GPR158: variants seen among roughly 807,000 people sequenced by gnomAD.
GPR158 encodes G protein-coupled receptor 158.
A neutral mutation model predicts 78.2 loss-of-function variants in GPR158; 30 were observed. That is an observed-to-expected ratio of 0.38 (90% CI 0.29 to 0.52). The LOEUF is 0.52. Ranked by LOEUF, GPR158 falls within the 20% of genes least tolerant of loss-of-function variation. The pLI is 0.83. For missense variants in GPR158, 1,463 were observed against 1,523.5 expected (o/e 0.96, Z 0.66); for synonymous variants, 581 against 591.1 (o/e 0.98, Z 0.25).
intron 5 of GPR158, among the ~76,000 whole-genome samples, chr10:25,543,294 T>C (rs1030338684): frequency 1.3e-5 from 2 of 152,114 alleles, no homozygotes; most frequent in Admixed American, 1.3e-4. Context: ...CTAATTTTTG[T>C]ATTTTTAGTA....
At chr10:25,408,616 G>A (rs1834546494) in intron 3 of GPR158, among the ~76,000 whole-genome samples, 1 of 152,118 alleles carries the variant, frequency 6.6e-6, no homozygotes, top group Non-Finnish European at 1.5e-5. Context: ...CTTCACTTAT[G>A]TAATTATCCA....
At chr10:25,220,978 A>G (rs1294038325) in intron 1 of GPR158, 74 bp from the exon 2 acceptor site, 2 of 911,766 alleles carry the variant, frequency 2.2e-6, no homozygotes, top group East Asian at 5.0e-5. Flanking sequence ...TAATTTTCTA[A>G]TTTCAAGCTT....
intron 5 of GPR158, among the ~76,000 whole-genome samples, chr10:25,469,029 G>A (rs115054917): frequency 0.013 from 1,925 of 152,236 alleles, 38 homozygotes; most frequent in African/African-American, 0.043. Flanking sequence ...GGAAAGGTAC[G>A]GCTGCCGGGA....
intron 2 of GPR158, among the ~76,000 whole-genome samples, chr10:25,253,834 A>G (rs1185817436): frequency 1.3e-5 from 2 of 152,194 alleles, no homozygotes; most frequent in African/African-American, 2.4e-5. Flanking sequence ...TTGCCTTGGG[A>G]CAAAACCAGC....
chr10:25,554,962 A>G (rs1836768235), intron 6 of GPR158, among the ~76,000 whole-genome samples: 2 of 151,854 alleles, frequency 1.3e-5, no homozygotes, highest in South Asian at 4.2e-4. Context: ...CTGGCAAGCC[A>G]CTGATGTGGT....
intron 5 of GPR158, among the ~76,000 whole-genome samples, chr10:25,474,791 AC>A (rs1229506799): frequency 2.6e-5 from 4 of 152,124 alleles, no homozygotes; most frequent in African/African-American, 9.7e-5. Flanking sequence ...TTAGAAATGT[AC>A]CCTAAACTAG....
chr10:25,292,709 T>G (rs1218014266), intron 2 of GPR158, among the ~76,000 whole-genome samples: 3 of 152,140 alleles, frequency 2.0e-5, no homozygotes, highest in Admixed American at 1.3e-4. Flanking sequence ...GAGCCAAATT[T>G]CATGCACAGA....
chr10:25,403,758 A>C (rs916543475), intron 3 of GPR158, among the ~76,000 whole-genome samples: 1 of 151,974 alleles, frequency 6.6e-6, no homozygotes, highest in Admixed American at 6.6e-5. Context: ...ACTTTAATTA[A>C]ATTTCTTAAG....
intron 2 of GPR158, among the ~76,000 whole-genome samples, chr10:25,387,516 A>ATTTTTTTTTTTTTTT (rs57404980): frequency 7.1e-6 from 1 of 140,486 alleles, no homozygotes; most frequent in African/African-American, 2.8e-5. Context: ...TTCTCTTCAA[A>ATTTTTTTTTTTTTTT]TTTTTTTTTT....
chr10:25,279,403 G>A (rs1369752752), intron 2 of GPR158, among the ~76,000 whole-genome samples: 1 of 152,058 alleles, frequency 6.6e-6, no homozygotes, highest in African/African-American at 2.4e-5. Context: ...GAGGGGTTGA[G>A]GAGGAATTAT....
chr10:25,438,176 C>T (rs1835023775), intron 4 of GPR158, among the ~76,000 whole-genome samples: 1 of 152,134 alleles, frequency 6.6e-6, no homozygotes, highest in South Asian at 2.1e-4. Flanking sequence ...AATAACGTCA[C>T]TTACTAAGTG....
At chr10:25,560,307 C>A (rs1415440821) in intron 6 of GPR158, among the ~76,000 whole-genome samples, 1 of 152,078 alleles carries the variant, frequency 6.6e-6, no homozygotes, top group African/African-American at 2.4e-5. Context: ...GCTCTGTCAC[C>A]CAGGCTGGAG....
At position 25,495,295 on chromosome 10, in the gene GPR158, C is replaced by CTTTTTTTTT. The variant is rs71399976; in HGVS notation, c.1404+28588_1404+28596dup. 5.2e-4 allele frequency among the ~76,000 whole-genome samples: 47 copies of CTTTTTTTTT among 91,102 alleles called. 2 individuals are homozygous for CTTTTTTTTT. The highest frequency in any genetic ancestry group is 8.7e-4 in the South Asian group (2 of 2,294). 59.8% of individuals were successfully genotyped at this position (91,102 alleles called of 152,430 possible). ...TATTTTAAGCTATCATTCTTTTCTG[C>CTTTTTTTTT]TTTTTTTTTTTTTTTTTTTTGAGAC... On this transcript the variant is annotated intron_variant, in intron 5 of 10. Coordinates refer to ENST00000376351, the MANE Select transcript of GPR158 (RefSeq NM_020752.3).
intron 2 of GPR158, among the ~76,000 whole-genome samples, chr10:25,294,514 C>A (rs1854484072): frequency 6.6e-6 from 1 of 152,054 alleles, no homozygotes; most frequent in Non-Finnish European, 1.5e-5. Flanking sequence ...TGAGTCATTT[C>A]AGATTTTCTT....
At chr10:25,227,055 T>A (rs1042779992) in intron 2 of GPR158, among the ~76,000 whole-genome samples, 1 of 152,194 alleles carries the variant, frequency 6.6e-6, no homozygotes, top group Non-Finnish European at 1.5e-5. Context: ...TGTTACAGTC[T>A]TTCTTTTTAA....
At chr10:25,551,611 C>T (rs1318920439) in intron 6 of GPR158, among the ~76,000 whole-genome samples, 1 of 152,178 alleles carries the variant, frequency 6.6e-6, no homozygotes, top group African/African-American at 2.4e-5. Flanking sequence ...ATGGAGAATG[C>T]TCTAAGTTCC....
intron 4 of GPR158, among the ~76,000 whole-genome samples, chr10:25,447,580 A>G (rs952804097): frequency 6.6e-6 from 1 of 152,202 alleles, no homozygotes; most frequent in African/African-American, 2.4e-5. Flanking sequence ...TGAAAATGTC[A>G]TTGGCTTAAA....
chr10:25,322,385 A>AC (rs1446760797), intron 2 of GPR158, among the ~76,000 whole-genome samples: 1 of 151,930 alleles, frequency 6.6e-6, no homozygotes, highest in African/African-American at 2.4e-5. Context: ...CGTCTCAAAA[A>AC]AAAAAAGAAA....
At chr10:25,342,606 G>A (rs563651508) in intron 2 of GPR158, among the ~76,000 whole-genome samples, 3 of 151,790 alleles carry the variant, frequency 2.0e-5, no homozygotes, top group Middle Eastern at 6.8e-3. Context: ...AAATATTGGT[G>A]TATATGCTTG....
Sources: gnomAD v4.1 joint callset for allele counts (sites outside exome capture counted in the v4.1 genomes callset) on GRCh38, gnomAD v4.1.1 for gene constraint, MANE v1.5 for transcripts, NCBI Gene and HGNC (gene_info 2026-07-23, HGNC 2026-07-21) for gene names.